Variants in CD48 observed in about 807,000 individuals in gnomAD.
CD48 encodes CD48 antigen.
A neutral mutation model predicts 22.0 loss-of-function variants in CD48; 20 were observed. That is an observed-to-expected ratio of 0.91 (90% CI 0.64 to 1.32). CD48 has a LOEUF of 1.32. Among genes scored for constraint, CD48 ranks in the 40% most tolerant of loss-of-function variants. The pLI is 0.00. For synonymous variants in CD48, 110 were observed against 110.1 expected, an observed-to-expected ratio of 1.00 and a Z score of 0.01; for missense variants, 307 against 286.5, an observed-to-expected ratio of 1.07 and a Z score of -0.52.
chr1:160,706,030 A>G (rs1469905458), intron 1 of CD48, among the ~76,000 whole-genome samples: 1 of 152,146 alleles, frequency 6.6e-6, no homozygotes, highest in African/African-American at 2.4e-5. Flanking sequence ...AGCACAATCC[A>G]CTGTCTGATG....
intron 1 of CD48, among the ~76,000 whole-genome samples, chr1:160,686,083 A>G (rs866347321): frequency 1.3e-4 from 20 of 152,120 alleles, no homozygotes; most frequent in African/African-American, 4.8e-4. Flanking sequence ...ATCAAACAAG[A>G]TAGGTCAGAT....
intron 1 of CD48, among the ~76,000 whole-genome samples, chr1:160,698,526 T>G (rs1437234232): frequency 2.0e-5 from 3 of 152,166 alleles, no homozygotes; most frequent in Non-Finnish European, 4.4e-5. Context: ...TCTACAAGAT[T>G]GTGGAATTCA....
At chr1:160,702,060 A>G (rs1354004400) in intron 1 of CD48, among the ~76,000 whole-genome samples, 1 of 152,162 alleles carries the variant, frequency 6.6e-6, no homozygotes, top group East Asian at 1.9e-4. Context: ...ACCAGACGCA[A>G]TGGAAATAGG....
At chr1:160,698,256 A>C (rs1442697892) in intron 1 of CD48, among the ~76,000 whole-genome samples, 4 of 152,180 alleles carry the variant, frequency 2.6e-5, no homozygotes, top group Non-Finnish European at 5.9e-5. Flanking sequence ...TTTAATTGGC[A>C]GCACCGTATT....
chr1:160,704,938 C>T (rs1287330205), intron 1 of CD48, among the ~76,000 whole-genome samples: 1 of 151,982 alleles, frequency 6.6e-6, no homozygotes, highest in African/African-American at 2.4e-5. Context: ...GGAGGGAGAA[C>T]TTAGAATATG....
intron 1 of CD48, among the ~76,000 whole-genome samples, chr1:160,691,361 C>A (rs1662210532): frequency 6.6e-6 from 1 of 152,184 alleles, no homozygotes; most frequent in African/African-American, 2.4e-5. Flanking sequence ...AGGGAGAAAC[C>A]ACCTTAGGGC....
At chr1:160,682,471 A>G (rs1322001592) in intron 2 of CD48, among the ~76,000 whole-genome samples, 11 of 150,524 alleles carry the variant, frequency 7.3e-5, no homozygotes, top group South Asian at 2.1e-4. Flanking sequence ...AAAAAAAAAA[A>G]AAGAAGAAAG....
chr1:160,703,719 G>C (rs1662705740), intron 1 of CD48, among the ~76,000 whole-genome samples: 1 of 152,136 alleles, frequency 6.6e-6, no homozygotes, highest in South Asian at 2.1e-4. Flanking sequence ...GTACTGGTAG[G>C]GGCAAAAGGG....
At chr1:160,686,493 TG>T (rs1188909052) in intron 1 of CD48, 2 of 152,214 alleles carry the variant, frequency 1.3e-5, no homozygotes, top group Non-Finnish European at 2.9e-5. Context: ...AGCTAATATT[TG>T]TTAAGAACTA....
At chr1:160,703,880 T>C (rs1295620209) in intron 1 of CD48, among the ~76,000 whole-genome samples, 1 of 152,078 alleles carries the variant, frequency 6.6e-6, no homozygotes, top group East Asian at 1.9e-4. Context: ...CTGCCATACA[T>C]AAACAACAGC....
intron 1 of CD48, among the ~76,000 whole-genome samples, chr1:160,709,736 T>C (rs998231111): frequency 6.6e-6 from 1 of 152,208 alleles, no homozygotes; most frequent in African/African-American, 2.4e-5. Flanking sequence ...CAGGAAGATA[T>C]GGATGTGTAG....
intron 3 of CD48, chr1:160,680,916 G>C (rs1260413754): frequency 7.0e-7 from 1 of 1,425,736 alleles, no homozygotes; most frequent in African/African-American, 1.4e-5. Flanking sequence ...GGCCTCAGAT[G>C]TTAGGACTAT....
At chr1:160,698,350 G>T (rs1311578723) in intron 1 of CD48, among the ~76,000 whole-genome samples, 1 of 152,128 alleles carries the variant, frequency 6.6e-6, no homozygotes, top group Non-Finnish European at 1.5e-5. Flanking sequence ...TCCATATTTT[G>T]ACTGAAATAT....
At chr1:160,697,455 T>A (rs1662470197) in intron 1 of CD48, among the ~76,000 whole-genome samples, 1 of 152,306 alleles carries the variant, frequency 6.6e-6, no homozygotes, top group African/African-American at 2.4e-5. Context: ...ATGATAAATA[T>A]TTCCATTGGG....
rs1304805981 is a variant in CD48, at chr1:160,708,656, G to C, written c.82+3026C>G. ...CCTAGAATTCTGGCCTGAGCAACTA[G>C]ACAAGTGGAGATGTCATTTATAGAG... On this transcript the variant is annotated intron_variant, in intron 1 of 3. Transcript: ENST00000368046. Among the ~76,000 whole-genome samples, 8 of 152,306 alleles carry C rather than the reference G, an allele frequency of 5.3e-5. No individual in the cohort carries two copies. In the East Asian group the frequency reaches 1.5e-3, roughly 29 times the overall value.
intron 1 of CD48, among the ~76,000 whole-genome samples, chr1:160,710,093 C>A (rs1411696057): frequency 1.3e-5 from 2 of 152,146 alleles, no homozygotes; most frequent in African/African-American, 4.8e-5. Context: ...AGAGAAAACG[C>A]CTCTTTTAAG....
intron 1 of CD48, among the ~76,000 whole-genome samples, chr1:160,700,139 C>G (rs1662581249): frequency 2.0e-5 from 3 of 152,160 alleles, no homozygotes; most frequent in Admixed American, 2.0e-4. Flanking sequence ...ACATAGCCAG[C>G]ATTGCCATTA....
intron 1 of CD48, among the ~76,000 whole-genome samples, chr1:160,700,050 T>G (rs1424068939): frequency 1.3e-5 from 2 of 152,178 alleles, no homozygotes; most frequent in Non-Finnish European, 2.9e-5. Flanking sequence ...GGAAATCCTG[T>G]AAGGCAGTAA....
chr1:160,686,238 G>T (rs1571052662), intron 1 of CD48, among the ~76,000 whole-genome samples: 1 of 152,214 alleles, frequency 6.6e-6, no homozygotes, highest in East Asian at 1.9e-4. Context: ...AGTGTCTATG[G>T]CTAGCCTAGG....
Sources: allele counts gnomAD v4.1 joint callset (sites outside exome capture counted in the v4.1 genomes callset), GRCh38; gene constraint gnomAD v4.1.1; transcripts MANE v1.5; gene names NCBI Gene and HGNC (gene_info 2026-07-23, HGNC 2026-07-21).